The following KLHL14 variants were observed in gnomAD, a reference collection of about 807,000 sequenced individuals.
KLHL14 encodes the protein kelch-like protein 14.
In KLHL14, 22 loss-of-function variants were observed where a neutral mutation model predicts 64.3. The observed-to-expected ratio is 0.34, with a 90% CI of 0.24 to 0.49. The LOEUF is 0.49. KLHL14 is among the 20% of genes least tolerant of loss of function. The pLI, the probability that KLHL14 is intolerant of heterozygous loss-of-function variation, is 0.99. For missense variants in KLHL14, 661 were observed against 789.0 expected (o/e 0.84, Z 1.94); for synonymous variants, 322 against 333.4 (o/e 0.97, Z 0.37).
chr18:32,695,873 G>T (rs2049934373), intron 3 of KLHL14, among the ~76,000 whole-genome samples: 1 of 152,096 alleles, frequency 6.6e-6, no homozygotes, highest in South Asian at 2.1e-4. Context: ...TGTGGATAGT[G>T]ATCTGAATGA....
chr18:32,676,367 A>T (rs1434836689), intron 8 of KLHL14, among the ~76,000 whole-genome samples: 1 of 152,186 alleles, frequency 6.6e-6, no homozygotes, highest in Admixed American at 6.5e-5. Context: ...ATTGCAAGAG[A>T]TATATGAGAC....
intron 2 of KLHL14, among the ~76,000 whole-genome samples, chr18:32,748,561 G>A (rs749496199): frequency 3.3e-5 from 5 of 151,884 alleles, no homozygotes; most frequent in Non-Finnish European, 7.4e-5. Context: ...AGTAGAGACT[G>A]GGTTTCACCG....
At chr18:32,753,479 C>T (rs2050267025) in intron 2 of KLHL14, among the ~76,000 whole-genome samples, 1 of 151,636 alleles carries the variant, frequency 6.6e-6, no homozygotes, top group African/African-American at 2.4e-5. Flanking sequence ...GTTACTGTGT[C>T]CTCTAGCATG....
intron 3 of KLHL14, among the ~76,000 whole-genome samples, chr18:32,712,440 C>G (rs181080832): frequency 6.6e-6 from 1 of 152,142 alleles, no homozygotes; most frequent in Admixed American, 6.5e-5. Flanking sequence ...CTGGATGGAC[C>G]TTCCATGCTC....
intron 2 of KLHL14, among the ~76,000 whole-genome samples, chr18:32,751,416 C>T (rs1044269586): frequency 6.6e-6 from 1 of 152,036 alleles, no homozygotes; most frequent in Non-Finnish European, 1.5e-5. Context: ...GTATCATTAT[C>T]CCCATTTAAC....
intron 3 of KLHL14, among the ~76,000 whole-genome samples, chr18:32,728,291 G>A (rs925767367): frequency 6.6e-6 from 1 of 152,066 alleles, no homozygotes; most frequent in Non-Finnish European, 1.5e-5. Flanking sequence ...AGCTTTATTC[G>A]GGTACACATT....
At chr18:32,727,630 G>C (rs1449681531) in intron 3 of KLHL14, among the ~76,000 whole-genome samples, 1 of 151,620 alleles carries the variant, frequency 6.6e-6, no homozygotes, top group Admixed American at 6.6e-5. Context: ...ACAAGAATAA[G>C]GACAAAAAAA....
chr18:32,736,044 A>T (rs1326372484), intron 3 of KLHL14, among the ~76,000 whole-genome samples: 2 of 152,122 alleles, frequency 1.3e-5, no homozygotes, highest in Non-Finnish European at 2.9e-5. Context: ...AGTAGCACAT[A>T]CCACAGCTTA....
chr18:32,739,906 T>C (rs1421520211), intron 3 of KLHL14, among the ~76,000 whole-genome samples: 1 of 152,198 alleles, frequency 6.6e-6, no homozygotes, highest in South Asian at 2.1e-4. Context: ...GTCCTTATGC[T>C]AATGTTGATA....
chr18:32,757,713 T>C (rs574259057), intron 2 of KLHL14, among the ~76,000 whole-genome samples: 1 of 152,178 alleles, frequency 6.6e-6, no homozygotes, highest in Non-Finnish European at 1.5e-5. Context: ...AAATGAAAGA[T>C]TTGCTTATCC....
intron 2 of KLHL14, among the ~76,000 whole-genome samples, chr18:32,751,351 C>T (rs568091940): frequency 1.3e-3 from 198 of 152,276 alleles, no homozygotes; most frequent in African/African-American, 4.5e-3. Flanking sequence ...CAGCTTTCAT[C>T]GGAAGAGCCT....
chr18:32,703,791 C>T (rs78083500), intron 3 of KLHL14, among the ~76,000 whole-genome samples: 3,323 of 152,218 alleles, frequency 0.022, 102 homozygotes, highest in African/African-American at 0.075. Context: ...AACGGTTTTA[C>T]TTTGAATACT....
chr18:32,747,117 G>A (rs1267061519), intron 2 of KLHL14, among the ~76,000 whole-genome samples: 2 of 152,136 alleles, frequency 1.3e-5, no homozygotes, highest in African/African-American at 4.8e-5. Flanking sequence ...GTTGTTAAAA[G>A]TTGTTGTACA....
chr18:32,694,357 C>A (rs2049927048), intron 4 of KLHL14, among the ~76,000 whole-genome samples: 1 of 152,148 alleles, frequency 6.6e-6, no homozygotes, highest in Non-Finnish European at 1.5e-5. Flanking sequence ...GTGCGCATGT[C>A]AGGGTTTTCT....
intron 4 of KLHL14, among the ~76,000 whole-genome samples, chr18:32,693,413 C>CACACACACACAGAGAGAG (rs1229737083): frequency 3.1e-4 from 30 of 97,032 alleles, no homozygotes; most frequent in African/African-American, 1.5e-3. Flanking sequence ...CACACACACA[C>CACACACACACAGAGAGAG]AGAGAGAGAG....
chr18:32,722,476 G>T (rs568644372), intron 3 of KLHL14, among the ~76,000 whole-genome samples: 66 of 152,282 alleles, frequency 4.3e-4, no homozygotes, highest in African/African-American at 1.5e-3. Context: ...GCCCAGCAGG[G>T]AGCCACAGTA....
rs1278544197 is a variant in KLHL14 at position 32,770,403 on chromosome 18, G to A, written c.189C>T (p.Ser63=). The change falls in exon 2 of 9, where the codon TCC becomes TCT. Residue 63 remains serine, a synonymous_variant. Transcript: ENST00000359358. The surrounding 1 kb of genome is among the most constrained non-coding windows in gnomAD (Gnocchi z 6.7). ...SCSQYFRSLF[S]SHPPLGGGVG... is the part of the protein sequence containing the mutation. Reference sequence around the variant, plus strand: ...CCCCTCCCCCGAGAGGGGGGTGGCTGGAGAAGAGCGATCGGAAGTACTGCG... The same window carrying A: ...CCCCTCCCCCGAGAGGGGGGTGGCTAGAGAAGAGCGATCGGAAGTACTGCG... The A allele has an allele frequency of 6.2e-7, 1 of 1,601,702 alleles. No homozygotes were observed.
At chr18:32,711,249 A>G (rs1484264958) in intron 3 of KLHL14, among the ~76,000 whole-genome samples, 1 of 152,192 alleles carries the variant, frequency 6.6e-6, no homozygotes, top group African/African-American at 2.4e-5. Flanking sequence ...AAAATGGGGG[A>G]CAGCAAAAGA....
intron 3 of KLHL14, among the ~76,000 whole-genome samples, chr18:32,703,390 A>G (rs1031579081): frequency 3.9e-5 from 6 of 152,212 alleles, no homozygotes; most frequent in Admixed American, 1.3e-4. Flanking sequence ...GGAGGGAGGA[A>G]GTTAAAGAAG....
Sources: gnomAD v4.1 joint callset for allele counts (sites outside exome capture counted in the v4.1 genomes callset) on GRCh38, gnomAD v4.1.1 for gene constraint, Gnocchi (gnomAD v3.1) non-coding constraint, MANE v1.5 for transcripts, NCBI Gene and HGNC (gene_info 2026-07-23, HGNC 2026-07-21) for gene names.